Variants in EBPL observed in about 807,000 individuals in gnomAD.
The protein encoded by EBPL is emopamil-binding protein-like.
Under a neutral mutation model 19.0 loss-of-function variants are expected in EBPL, and 20 were observed. The ratio of observed to expected loss-of-function variants is 1.05; its 90% CI spans 0.74 to 1.53. EBPL has a LOEUF of 1.53. Ranked by LOEUF, EBPL falls within the 40% of genes most tolerant of loss-of-function variation. The pLI is 0.00. For synonymous variants in EBPL, 107 were observed against 117.0 expected, an observed-to-expected ratio of 0.91 and a Z score of 0.55; for missense variants, 219 against 261.1, an observed-to-expected ratio of 0.84 and a Z score of 1.11.
intron 1 of EBPL, among the ~76,000 whole-genome samples, chr13:49,687,534 C>G (rs991930239): frequency 1.3e-5 from 2 of 148,812 alleles, no homozygotes; most frequent in African/African-American, 2.5e-5. Flanking sequence ...ATGAGCCTTT[C>G]CAGAGTAGTA....
intron 1 of EBPL, among the ~76,000 whole-genome samples, chr13:49,674,354 T>C (rs1953853175): frequency 6.6e-6 from 1 of 152,178 alleles, no homozygotes; most frequent in South Asian, 2.1e-4. Context: ...TCCACCTGCC[T>C]TGGCCTCCCA....
At chr13:49,672,814 C>CT (rs1387451933) in intron 1 of EBPL, among the ~76,000 whole-genome samples, 2 of 152,150 alleles carry the variant, frequency 1.3e-5, no homozygotes, top group Non-Finnish European at 2.9e-5. Context: ...AATCCCAGCA[C>CT]TTTGGGAGGC....
chr13:49,663,156 A>C lies in EBPL; in HGVS notation c.281T>G (p.Phe94Cys). 1 of 1,614,226 alleles carries C rather than the reference A, an allele frequency of 6.2e-7. No homozygotes were observed. The highest frequency in any genetic ancestry group is 8.5e-7 in the Non-Finnish European group (1 of 1,180,026). ...YGKADARWVYFDPTIVSVEIL... is the reference protein window; with the variant it reads ...YGKADARWVYCDPTIVSVEIL... Reference sequence around the variant, plus strand: ...TTCCACAGACACAATGGTTGGATCAAAATAAACCCATCTTGCATCAGCTTT... The same window carrying C: ...TTCCACAGACACAATGGTTGGATCACAATAAACCCATCTTGCATCAGCTTT... The change falls in exon 3 of 4, where the codon TTT becomes TGT. Residue 94 changes from phenylalanine (F) to cysteine (C), a missense_variant. Phe to Cys is a radical substitution (Grantham distance 205). Coordinates refer to ENST00000242827, the MANE Select transcript of EBPL (RefSeq NM_032565.5).
intron 1 of EBPL, among the ~76,000 whole-genome samples, chr13:49,677,102 G>A (rs908287348): frequency 3.3e-5 from 5 of 152,192 alleles, no homozygotes; most frequent in African/African-American, 1.2e-4. Flanking sequence ...CCTTTTCCGG[G>A]AAGGGGCAGT....
At chr13:49,668,000 G>T (rs146733516) in intron 2 of EBPL, among the ~76,000 whole-genome samples, 173 of 152,292 alleles carry the variant, frequency 1.1e-3, no homozygotes, top group African/African-American at 4.0e-3. Flanking sequence ...GCTGGGGTCC[G>T]TCAGCCTCTG....
At position 49,689,594 on chromosome 13, in the gene EBPL, G is replaced by A. The variant is rs1326468637; in HGVS notation, c.171+1660C>T. 2.6e-5 allele frequency among the ~76,000 whole-genome samples: 4 copies of A among 151,944 alleles called. 1 individual carries two copies. Among genetic ancestry groups the A allele is most frequent in the South Asian group, 4.2e-4 (2 of 4,812 alleles). On this transcript the variant is annotated intron_variant, in intron 1 of 3. Coordinates refer to ENST00000242827, the MANE Select transcript of EBPL (RefSeq NM_032565.5). ...GAACTCCTGACCTCGTGATCCACCC[G>A]CCTCAGCCTCCCAAAATGCTGGGAT...
At chr13:49,676,642 C>T (rs1430317377) in intron 1 of EBPL, among the ~76,000 whole-genome samples, 1 of 151,708 alleles carries the variant, frequency 6.6e-6, no homozygotes, top group Non-Finnish European at 1.5e-5. Context: ...GAAAGAAACC[C>T]CGGTGAATCC....
chr13:49,691,370 C>T lies in EBPL; in HGVS notation c.55G>A (p.Ala19Thr). Residue 19 changes from alanine (A) to threonine (T), a missense_variant, in exon 1 of 4, where the codon GCC (alanine) becomes ACC (threonine). Physicochemically the swap from Ala to Thr is moderately conservative, Grantham distance 58. Transcript: ENST00000242827. ...GCGCAGCCCGCCGCCAGCAGCGCGG[C>T]GCACAGCAGCAGCGAACCGCCAGCC... ...AEAGGSLLLC[A>T]ALLAAGCALG... 1.5e-6 allele frequency: 2 copies of T among 1,367,114 alleles called. No homozygotes were observed. Among genetic ancestry groups the T allele is most frequent in the South Asian group, 2.1e-5 (1 of 48,740 alleles). 84.7% of individuals were successfully genotyped at this position (1,367,114 alleles called of 1,614,324 possible). A position where few individuals can be genotyped will look rare whatever the true frequency, so the allele number is the denominator to read the frequency against.
intron 1 of EBPL, among the ~76,000 whole-genome samples, chr13:49,678,051 C>CAA (rs879260863): frequency 3.2e-4 from 49 of 152,278 alleles, no homozygotes; most frequent in South Asian, 1.0e-3. Flanking sequence ...CCGGGGCTGG[C>CAA]TTGGGCAGCC....
rs1231038646 is a variant in EBPL at position 49,660,771 on chromosome 13, T to C, written c.*197A>G. 1 of 488,522 alleles carries C rather than the reference T, an allele frequency of 2.0e-6. No homozygotes were observed. Among genetic ancestry groups the C allele is most frequent in the Non-Finnish European group, 3.6e-6 (1 of 277,688 alleles). 30.3% of individuals were successfully genotyped at this position (488,522 alleles called of 1,614,324 possible). A position where few individuals can be genotyped will look rare whatever the true frequency, so the allele number is the denominator to read the frequency against. On this transcript the variant is annotated 3_prime_UTR_variant, in exon 4 of 4. Transcript: ENST00000242827. The stretch of plus-strand genomic sequence containing the variant: ...TATTACAAATTCAAATTTGTTCTCT[T>C]TTCCCTATATCACCATTTAATTGAA...
Position 49,667,999 on chromosome 13 carries a change from C to T in EBPL, c.241+1778G>A, listed in dbSNP as rs560598283. 3.3e-5 allele frequency among the ~76,000 whole-genome samples: 5 copies of T among 152,258 alleles called. No individual in the cohort carries two copies. The East Asian group carries it at 7.7e-4, about 24-fold the overall frequency. On this transcript the variant is annotated intron_variant, in intron 2 of 3. Coordinates refer to ENST00000242827, the MANE Select transcript of EBPL (RefSeq NM_032565.5). Reference sequence around the variant, plus strand: ...AGGAGCCATGACTCAGGCTGGGGTCCGTCAGCCTCTGGGCTTCACCAGCAA... The same window carrying T: ...AGGAGCCATGACTCAGGCTGGGGTCTGTCAGCCTCTGGGCTTCACCAGCAA...
intron 1 of EBPL, among the ~76,000 whole-genome samples, chr13:49,678,290 G>C (rs1205453772): frequency 1.3e-5 from 2 of 152,230 alleles, no homozygotes; most frequent in Non-Finnish European, 2.9e-5. Flanking sequence ...TCCCGCACCA[G>C]GGCCGTGGGC....
intron 1 of EBPL, among the ~76,000 whole-genome samples, chr13:49,683,398 A>G (rs754928259): frequency 7.2e-5 from 11 of 152,004 alleles, no homozygotes; most frequent in Non-Finnish European, 1.6e-4. Context: ...GCATGGGGGC[A>G]GGCACCTGTA....
intron 1 of EBPL, among the ~76,000 whole-genome samples, chr13:49,688,445 C>T (rs543281963): frequency 2.6e-5 from 4 of 152,238 alleles, no homozygotes; most frequent in East Asian, 1.9e-4. Context: ...GGTGGCCAGG[C>T]GCAGTGGCTC....
At chr13:49,681,677 T>C (rs1301744801) in intron 1 of EBPL, among the ~76,000 whole-genome samples, 2 of 152,256 alleles carry the variant, frequency 1.3e-5, no homozygotes, top group African/African-American at 4.8e-5. Flanking sequence ...GATTAAGTTA[T>C]GCCAGCTATT....
intron 2 of EBPL, among the ~76,000 whole-genome samples, chr13:49,666,290 T>A (rs1315246131): frequency 6.6e-6 from 1 of 152,190 alleles, no homozygotes; most frequent in Non-Finnish European, 1.5e-5. Context: ...AATCTGTGCC[T>A]GCTCCCCTTG....
chr13:49,688,385 G>A (rs1420166318), intron 1 of EBPL, among the ~76,000 whole-genome samples: 1 of 152,218 alleles, frequency 6.6e-6, no homozygotes, highest in Non-Finnish European at 1.5e-5. Flanking sequence ...CTTTCAATTT[G>A]ATGGCAGCCA....
At position 49,669,761 on chromosome 13, in the gene EBPL, G is replaced by A; in HGVS notation, c.241+16C>T. 3.1e-6 allele frequency: 5 copies of A among 1,612,126 alleles called. No homozygotes were observed. The highest frequency in any genetic ancestry group is 4.2e-6 in the Non-Finnish European group (5 of 1,178,280). ...CTCCTCCAACATTTCAAACGCAAAC[G>A]TTTTTAATTACTTACATAAAGAAGC... On this transcript the variant is annotated intron_variant, in intron 2 of 3. Coordinates refer to ENST00000242827, the MANE Select transcript of EBPL (RefSeq NM_032565.5).
At chr13:49,681,561 G>A (rs1185867628) in intron 1 of EBPL, among the ~76,000 whole-genome samples, 1 of 152,208 alleles carries the variant, frequency 6.6e-6, no homozygotes, top group African/African-American at 2.4e-5. Flanking sequence ...AAAATGCAGG[G>A]ATTACAGGCG....
Sources: allele counts gnomAD v4.1 joint callset (sites outside exome capture counted in the v4.1 genomes callset), GRCh38; gene constraint gnomAD v4.1.1; transcripts MANE v1.5; gene names NCBI Gene and HGNC (gene_info 2026-07-23, HGNC 2026-07-21).